Variants in DDR1 observed in about 807,000 individuals in gnomAD.
DDR1 encodes the protein epithelial discoidin domain-containing receptor 1.
Under a neutral mutation model 97.4 loss-of-function variants are expected in DDR1, and 64 were observed. That is an observed-to-expected ratio of 0.66 (90% CI 0.54 to 0.81). The LOEUF (loss-of-function observed/expected upper bound fraction) is 0.81, where lower values mean the gene tolerates loss of function less well. Ranked by LOEUF, DDR1 falls within the 30% of genes least tolerant of loss-of-function variation. The pLI, the probability that DDR1 is intolerant of heterozygous loss-of-function variation, is 0.00. For synonymous variants in DDR1, 458 were observed against 503.7 expected, an observed-to-expected ratio of 0.91 and a Z score of 1.21; for missense variants, 990 against 1,259.6, an observed-to-expected ratio of 0.79 and a Z score of 3.24.
intron 8 of DDR1, chr6:30,892,778 A>G: frequency 1.7e-6 from 1 of 595,736 alleles, no homozygotes; most frequent in Non-Finnish European, 2.9e-6. Context: ...CCAGTATGAC[A>G]GTACTGGTTG....
intron 8 of DDR1, 161 bp downstream of exon 8, chr6:30,892,703 C>T: frequency 1.1e-6 from 1 of 935,864 alleles, no homozygotes; most frequent in Non-Finnish European, 1.5e-6. Context: ...GAGCCCCTTT[C>T]TGCCTCTTGT....
rs1468502538 is a variant in DDR1, at chr6:30,891,273, G to A, written c.566-107G>A. On this transcript the variant is annotated intron_variant, in intron 5 of 17. Coordinates refer to ENST00000376568, the MANE Select transcript of DDR1 (RefSeq NM_001297654.2). This position sits in a 1 kb window ranked among gnomAD's most constrained non-coding sequence, Gnocchi z 5.3. The stretch of plus-strand genomic sequence containing the variant: ...AGCATTGTCTCCTCCATGCCAATGA[G>A]CCAGTGGAGAGATACAAGAAGGGAC... 1.4e-6 allele frequency: 2 copies of A among 1,404,770 alleles called. No homozygotes were observed. Among genetic ancestry groups the A allele is most frequent in the South Asian group, 1.3e-5 (1 of 79,580 alleles). The allele number at this position is 1,404,770 out of a possible 1,614,324, so 87.0% of individuals were successfully genotyped here. A position where few individuals can be genotyped will look rare whatever the true frequency, so the allele number is the denominator to read the frequency against.
chr6:30,892,421 G>A lies in DDR1; in HGVS notation c.978G>A (p.Leu326=), dbSNP rs746776847. 6.2e-7 allele frequency: 1 copy of A among 1,605,500 alleles called. No homozygotes were observed. The highest frequency in any genetic ancestry group is 8.5e-7 in the Non-Finnish European group (1 of 1,179,020). ...TGCGCCACAACCTAGGGGGCAACCT[G>A]GGGGACCCCAGAGCCCGGGCTGTCT... ...EPMRHNLGGN[L]GDPRARAVSV... is the part of the protein sequence containing the mutation. The change falls in exon 8 of 18, where the codon CTG becomes CTA. Residue 326 remains leucine, a synonymous_variant. Transcript: ENST00000376568.
chr6:30,881,701 C>T (rs73727106), upstream of DDR1, among the ~76,000 whole-genome samples: 6,671 of 152,240 alleles, frequency 0.044, 245 homozygotes, highest in African/African-American at 0.095. Flanking sequence ...CTTCAGTCTC[C>T]TCCTCTGAGC....
chr6:30,898,795 C>A, intron 16 of DDR1, 93 bp from the exon 17 acceptor site: 1 of 1,404,506 alleles, frequency 7.1e-7, no homozygotes, highest in Non-Finnish European at 9.8e-7. Flanking sequence ...CTGAGTGGAG[C>A]CCAGAGTGGA....
chr6:30,897,433 C>CA lies in DDR1; in HGVS notation c.2053dup (p.Ile685AsnfsTer18), dbSNP rs753672487. On this transcript the variant is annotated frameshift_variant, in exon 15 of 18. Transcript: ENST00000376568. LOFTEE classifies it high-confidence loss of function. This position sits in a 1 kb window ranked among gnomAD's most constrained non-coding sequence, Gnocchi z 5.2. ...TGTCGAGGCTCAAGGACCCAAACAT[C>CA]ATTCGGCTGCTGGGCGTGTGTGTGC... The CA allele has an allele frequency of 2.5e-6, 4 of 1,614,164 alleles. No homozygotes were observed. The highest frequency in any genetic ancestry group is 2.5e-6 in the Non-Finnish European group (3 of 1,180,028).
At position 30,897,572 on chromosome 6, in the gene DDR1, C is replaced by CA; in HGVS notation, c.2192dup (p.Ala732GlyfsTer94). 6.2e-7 allele frequency: 1 copy of CA among 1,612,386 alleles called. No homozygotes were observed. The highest frequency in any genetic ancestry group is 8.5e-7 in the Non-Finnish European group (1 of 1,179,876). ...AGCCGAGGGGGCCCCTGGGGACGGGCAGGCTGCGCAGGGGCCCACCATCAG... is the reference window on the plus strand; with the variant it reads ...AGCCGAGGGGGCCCCTGGGGACGGGCAAGGCTGCGCAGGGGCCCACCATCAG... On this transcript the variant is annotated frameshift_variant, in exon 15 of 18. Coordinates refer to ENST00000376568, the MANE Select transcript of DDR1 (RefSeq NM_001297654.2). LOFTEE classifies it high-confidence loss of function. This position sits in a 1 kb window ranked among gnomAD's most constrained non-coding sequence, Gnocchi z 5.2.
rs774476702 is a variant in DDR1, at chr6:30,891,674, G to A, written c.665+195G>A. 1.8e-4 allele frequency among the ~76,000 whole-genome samples: 28 copies of A among 152,118 alleles called. No individual in the cohort carries two copies. Among genetic ancestry groups the A allele is most frequent in the African/African-American group, 4.6e-4 (19 of 41,394 alleles). On this transcript the variant is annotated intron_variant, in intron 6 of 17. Coordinates refer to ENST00000376568, the MANE Select transcript of DDR1 (RefSeq NM_001297654.2). This position sits in a 1 kb window ranked among gnomAD's most constrained non-coding sequence, Gnocchi z 5.3. Reference sequence around the variant, plus strand: ...GTAGCACTAGGGTGACCACTAGCCCGTATGACACTGTATGAAAAAGGCACC... The same window carrying A: ...GTAGCACTAGGGTGACCACTAGCCCATATGACACTGTATGAAAAAGGCACC...
In DDR1 at chr6:30,894,479, G is replaced by C; in HGVS notation, c.1348-27G>C. On this transcript the variant is annotated intron_variant, in intron 10 of 17. Transcript: ENST00000376568. The surrounding 1 kb of genome is among the most constrained non-coding windows in gnomAD (Gnocchi z 5.7). ...CAGGCCGTGTGTGCTGAGCAACACG[G>C]GTGATGCCTCCCATCCCTATGACAA... 1 of 1,586,602 alleles carries C rather than the reference G, an allele frequency of 6.3e-7. No homozygotes were observed. The highest frequency in any genetic ancestry group is 2.3e-5 in the East Asian group (1 of 44,018).
chr6:30,893,130 C>A lies in DDR1; in HGVS notation c.1162C>A (p.Pro388Thr), dbSNP rs1789215574. Reference sequence around the variant, plus strand: ...CTTCCCGCCAGCCCCCTGGTGGCCGCCTGGCCCACCTCCCACCAACTTCAG... The same window carrying A: ...CTTCCCGCCAGCCCCCTGGTGGCCGACTGGCCCACCTCCCACCAACTTCAG... ...GTFPPAPWWP[P>T]GPPPTNFSSL... is the part of the protein sequence containing the mutation. Residue 388 changes from proline (P) to threonine (T), a missense_variant, in exon 9 of 18, where the codon CCT (proline) becomes ACT (threonine). Physicochemically the swap from Pro to Thr is conservative, Grantham distance 38. Coordinates refer to ENST00000376568, the MANE Select transcript of DDR1 (RefSeq NM_001297654.2). 6.2e-7 allele frequency: 1 copy of A among 1,610,566 alleles called. No homozygotes were observed.
In DDR1 at chr6:30,897,735, G is replaced by A. The variant is rs1279538939; in HGVS notation, c.2216+138G>A. 15 of 716,838 alleles carry A rather than the reference G, an allele frequency of 2.1e-5. No homozygotes were observed. The highest frequency in any genetic ancestry group is 3.2e-5 in the Non-Finnish European group (14 of 438,920). The allele number at this position is 716,838 out of a possible 1,614,324, so 44.4% of individuals were successfully genotyped here. A position where few individuals can be genotyped will look rare whatever the true frequency, so the allele number is the denominator to read the frequency against. On this transcript the variant is annotated intron_variant, in intron 15 of 17. Coordinates refer to ENST00000376568, the MANE Select transcript of DDR1 (RefSeq NM_001297654.2). The surrounding 1 kb of genome is among the most constrained non-coding windows in gnomAD (Gnocchi z 5.2). Reference sequence around the variant, plus strand: ...AGGTTCCAGGAGGGCCTGGGATAAGGAATGTGTGACAAGTTAACCCAGGAA... The same window carrying A: ...AGGTTCCAGGAGGGCCTGGGATAAGAAATGTGTGACAAGTTAACCCAGGAA...
intron 1 of DDR1, chr6:30,885,387 A>G (rs776440610): frequency 5.2e-6 from 5 of 964,322 alleles, no homozygotes; most frequent in Middle Eastern, 2.6e-4. Flanking sequence ...TGGTGGAGAC[A>G]GGTGAAAGGG....
Position 30,894,515 on chromosome 6 carries a change from A to G in DDR1, c.1357A>G (p.Arg453Gly). The G allele has an allele frequency of 6.2e-7, 1 of 1,608,846 alleles. No homozygotes were observed. Among genetic ancestry groups the G allele is most frequent in the Non-Finnish European group, 8.5e-7 (1 of 1,177,332 alleles). Residue 453 changes from arginine (R) to glycine (G), a missense_variant, in exon 11 of 18, where the codon AGG becomes GGG. By Grantham distance (125) the Arg-to-Gly change is moderately radical (BLOSUM62 -2). Transcript: ENST00000376568. This position sits in a 1 kb window ranked among gnomAD's most constrained non-coding sequence, Gnocchi z 5.7. ...WRRLLSKAERRVLEEELTVHL... is the reference protein window; with the variant it reads ...WRRLLSKAERGVLEEELTVHL... ...CCATCCCTATGACAAGGCTGAACGG[A>G]GGGTGTTGGAAGAGGAGCTGACGGT...
rs34429972 is a variant in DDR1, at chr6:30,899,587, T to TG, written c.*295dup. 2.0e-6 allele frequency: 1 copy of TG among 500,208 alleles called. No homozygotes were observed. The highest frequency in any genetic ancestry group is 3.0e-5 in the South Asian group (1 of 33,300). The allele number at this position is 500,208 out of a possible 1,614,324, so 31.0% of individuals were successfully genotyped here. On this transcript the variant is annotated 3_prime_UTR_variant, in exon 18 of 18. Transcript: ENST00000376568. ...TCTCCACCCTCCTCTAGCCATCCCT[T>TG]GGGGAAGGGTGGGGAGAAATATAGG...
At position 30,894,267 on chromosome 6, in the gene DDR1, A is replaced by C. The variant is rs138562329; in HGVS notation, c.1348-239A>C. ...CATCTCAAAAAAACAAACAAACAAA[A>C]AAAAAACGGTTGATAGTTATGGACT... On this transcript the variant is annotated intron_variant, in intron 10 of 17. Coordinates refer to ENST00000376568, the MANE Select transcript of DDR1 (RefSeq NM_001297654.2). This position sits in a 1 kb window ranked among gnomAD's most constrained non-coding sequence, Gnocchi z 5.7. Among the ~76,000 whole-genome samples, 438 of 152,176 alleles carry C rather than the reference A, an allele frequency of 2.9e-3. 1 individual carries two copies. Among genetic ancestry groups the C allele is most frequent in the Middle Eastern group, 0.01 (3 of 292 alleles).
chr6:30,899,007 G>A lies in DDR1; in HGVS notation c.2571G>A (p.Ala857=), dbSNP rs1791988866. The change falls in exon 17 of 18, where the codon GCG becomes GCA. Residue 857 remains alanine, a synonymous_variant. Transcript: ENST00000376568. ...QLTDEQVIEN[A]GEFFRDQGRQ... ...CCGACGAGCAGGTCATCGAGAACGC[G>A]GGGGAGTTCTTCCGGGACCAGGGCC... is the stretch of plus-strand genomic sequence containing the variant. 9 of 1,614,002 alleles carry A rather than the reference G, an allele frequency of 5.6e-6. No individual in the cohort carries two copies. The highest frequency in any genetic ancestry group is 3.3e-5 in the South Asian group (3 of 91,072).
At position 30,888,935 on chromosome 6, in the gene DDR1, A is replaced by G; in HGVS notation, c.113A>G (p.Gln38Arg). 6.2e-7 allele frequency: 1 copy of G among 1,613,016 alleles called. No homozygotes were observed. The highest frequency in any genetic ancestry group is 8.5e-7 in the Non-Finnish European group (1 of 1,180,014). Residue 38 changes from glutamine (Q) to arginine (R), a missense_variant, in exon 3 of 18, where the codon CAG (glutamine) becomes CGG (arginine). By Grantham distance (43) the Gln-to-Arg change is conservative. Transcript: ENST00000376568. This position sits in a 1 kb window ranked among gnomAD's most constrained non-coding sequence, Gnocchi z 4.2. The stretch of plus-strand genomic sequence containing the variant: ...AAGTGCCGCTATGCCCTGGGCATGC[A>G]GGACCGGACCATCCCAGACAGTGAC... ...PAKCRYALGM[Q>R]DRTIPDSDIS...
intron 1 of DDR1, among the ~76,000 whole-genome samples, chr6:30,887,419 C>T (rs1000797381): frequency 6.6e-6 from 1 of 152,150 alleles, no homozygotes; most frequent in African/African-American, 2.4e-5. Context: ...CATGTTAACT[C>T]TTGTTATATT....
chr6:30,881,581 C>A (rs1242405596), upstream of DDR1, among the ~76,000 whole-genome samples: 2 of 152,168 alleles, frequency 1.3e-5, no homozygotes, highest in Non-Finnish European at 2.9e-5. Flanking sequence ...GCCCAGCTCT[C>A]AAGCCTCCTC....
Sources: gnomAD v4.1 joint callset for allele counts (sites outside exome capture counted in the v4.1 genomes callset) on GRCh38, gnomAD v4.1.1 for gene constraint, Gnocchi (gnomAD v3.1) non-coding constraint, MANE v1.5 for transcripts, NCBI Gene and HGNC (gene_info 2026-07-23, HGNC 2026-07-21) for gene names.